Variants in DLG2 observed in about 807,000 individuals in gnomAD.
The protein encoded by DLG2 is disks large homolog 2.
A neutral mutation model predicts 132.5 loss-of-function variants in DLG2; 45 were observed. The ratio of observed to expected loss-of-function variants is 0.34; its 90% CI spans 0.27 to 0.44. The LOEUF (loss-of-function observed/expected upper bound fraction) is 0.44, where lower values mean the gene tolerates loss of function less well. Among genes scored for constraint, DLG2 ranks in the 20% least tolerant of loss-of-function variants. The pLI is 1.00. For synonymous variants in DLG2, 424 were observed against 419.6 expected (o/e 1.01, Z -0.13); for missense variants, 1,045 against 1,196.9 (o/e 0.87, Z 1.87).
At chr11:84,875,577 C>G (rs1220618813) in intron 6 of DLG2, among the ~76,000 whole-genome samples, 1 of 151,862 alleles carries the variant, frequency 6.6e-6, no homozygotes, top group Non-Finnish European at 1.5e-5. Flanking sequence ...CCAAACAATC[C>G]TATGTTACCT....
chr11:84,792,104 T>C (rs2073935108), intron 6 of DLG2, among the ~76,000 whole-genome samples: 1 of 152,198 alleles, frequency 6.6e-6, no homozygotes, highest in African/African-American at 2.4e-5. Context: ...TGTAGTATGT[T>C]CCTTCTATAC....
chr11:84,642,096 TGTGTGTGTGTGTATATGTAGA>T (rs1555124479), intron 6 of DLG2, among the ~76,000 whole-genome samples: 35 of 136,782 alleles, frequency 2.6e-4, no homozygotes, highest in Middle Eastern at 7.8e-3. Context: ...ATGTAGAGTG[TGTGTGTGTGTGTATATGTAGA>T]GTGTGTGTGT....
intron 7 of DLG2, among the ~76,000 whole-genome samples, chr11:84,261,364 C>A (rs2097546162): frequency 6.6e-6 from 1 of 152,058 alleles, no homozygotes; most frequent in Admixed American, 6.6e-5. Context: ...AGTTGCAGTC[C>A]TCAATCTTAT....
chr11:85,019,503 G>A (rs1283085386), intron 6 of DLG2, among the ~76,000 whole-genome samples: 2 of 151,892 alleles, frequency 1.3e-5, no homozygotes, highest in Non-Finnish European at 2.9e-5. Flanking sequence ...AAGTTCTGGG[G>A]TACTTGTGCA....
intron 6 of DLG2, among the ~76,000 whole-genome samples, chr11:84,900,575 T>C (rs1009626221): frequency 8.5e-5 from 13 of 152,056 alleles, no homozygotes; most frequent in African/African-American, 3.1e-4. Context: ...GCTTAGTAGT[T>C]AAAATATAAA....
chr11:84,607,454 T>G (rs1412920506), intron 6 of DLG2, among the ~76,000 whole-genome samples: 2 of 152,048 alleles, frequency 1.3e-5, no homozygotes, highest in Non-Finnish European at 2.9e-5. Flanking sequence ...AGGAAAGATG[T>G]AAGATTTTTG....
intron 11 of DLG2, among the ~76,000 whole-genome samples, chr11:84,017,972 CTTTTA>C (rs1273776203): frequency 6.6e-6 from 1 of 151,852 alleles, no homozygotes; most frequent in African/African-American, 2.4e-5. Flanking sequence ...TCTCTTACTG[CTTTTA>C]TTTTATCATT....
chr11:85,005,678 GAC>G (rs1464846180), intron 6 of DLG2, among the ~76,000 whole-genome samples: 6 of 152,152 alleles, frequency 3.9e-5, no homozygotes, highest in South Asian at 2.1e-4. Flanking sequence ...TGCAAACAGA[GAC>G]AATTTACTTC....
chr11:85,115,088 T>C (rs990550794), intron 5 of DLG2, among the ~76,000 whole-genome samples: 68 of 151,902 alleles, frequency 4.5e-4, no homozygotes, highest in Non-Finnish European at 4.6e-4. Flanking sequence ...GGAGTTTTTT[T>C]TCGGGGTGGG....
intron 6 of DLG2, among the ~76,000 whole-genome samples, chr11:85,006,406 CTTG>C (rs1289614225): frequency 6.6e-6 from 1 of 152,088 alleles, no homozygotes; most frequent in African/African-American, 2.4e-5. Flanking sequence ...AATTTCAGAA[CTTG>C]TTATTGGCCT....
intron 18 of DLG2, among the ~76,000 whole-genome samples, chr11:83,767,383 C>T (rs1173965698): frequency 2.0e-5 from 3 of 152,194 alleles, no homozygotes; most frequent in African/African-American, 7.2e-5. Context: ...TCAATTAGGT[C>T]CTTGTTCTCA....
intron 6 of DLG2, among the ~76,000 whole-genome samples, chr11:84,960,911 A>G (rs1341735331): frequency 6.6e-6 from 1 of 152,032 alleles, no homozygotes; most frequent in Non-Finnish European, 1.5e-5. Flanking sequence ...TGCATAATAC[A>G]CTGGAGCTCT....
At chr11:83,691,762 G>C (rs2081045489) in intron 18 of DLG2, among the ~76,000 whole-genome samples, 1 of 152,112 alleles carries the variant, frequency 6.6e-6, no homozygotes, top group Admixed American at 6.6e-5. Context: ...ATTCTCCAAG[G>C]GTCTCGGCCA....
intron 6 of DLG2, among the ~76,000 whole-genome samples, chr11:84,712,660 TAAAATAGA>T (rs2060579439): frequency 6.6e-6 from 1 of 151,942 alleles, no homozygotes; most frequent in African/African-American, 2.4e-5. Context: ...AGTAGTTTAA[TAAAATAGA>T]AAAAAAATCC....
intron 6 of DLG2, among the ~76,000 whole-genome samples, chr11:84,674,147 G>C (rs2099708911): frequency 1.3e-5 from 2 of 152,080 alleles, no homozygotes; most frequent in Admixed American, 1.3e-4. Context: ...TTCTAAATTT[G>C]TCCATCTTTC....
At chr11:85,044,048 G>C (rs927977940) in intron 6 of DLG2, among the ~76,000 whole-genome samples, 1 of 151,952 alleles carries the variant, frequency 6.6e-6, no homozygotes, top group East Asian at 1.9e-4. Flanking sequence ...ACAAGTTTCT[G>C]AATGGCCCCT....
intron 20 of DLG2, among the ~76,000 whole-genome samples, chr11:83,533,459 AAC>A (rs1382190828): frequency 6.6e-6 from 1 of 152,250 alleles, no homozygotes; most frequent in Non-Finnish European, 1.5e-5. Flanking sequence ...GGTGTAAACA[AAC>A]ACAGAAAATG....
intron 21 of DLG2, among the ~76,000 whole-genome samples, chr11:83,523,438 T>C (rs1440678004): frequency 6.6e-6 from 1 of 152,196 alleles, no homozygotes; most frequent in Non-Finnish European, 1.5e-5. Context: ...AATTAGTTCA[T>C]ATGTAAAAAT....
At chr11:83,637,592 G>A (rs922860789) in intron 18 of DLG2, among the ~76,000 whole-genome samples, 4 of 74,714 alleles carry the variant, frequency 5.4e-5, no homozygotes, top group Non-Finnish European at 9.2e-5. Flanking sequence ...CTGGATCGCC[G>A]TGAAGCCATT....
Sources: allele counts gnomAD v4.1 joint callset (sites outside exome capture counted in the v4.1 genomes callset), GRCh38; gene constraint gnomAD v4.1.1; transcripts MANE v1.5; gene names NCBI Gene and HGNC (gene_info 2026-07-23, HGNC 2026-07-21).